NDST4: variants seen among roughly 807,000 people sequenced by gnomAD.
The protein encoded by NDST4 is N-deacetylase and N-sulfotransferase 4.
A neutral mutation model predicts 100.8 loss-of-function variants in NDST4; 63 were observed. The ratio of observed to expected loss-of-function variants is 0.62; its 90% CI spans 0.51 to 0.77. The LOEUF (loss-of-function observed/expected upper bound fraction) is 0.77, where lower values mean the gene tolerates loss of function less well. Ranked by LOEUF, NDST4 falls within the 30% of genes least tolerant of loss-of-function variation. The pLI is 0.00. For synonymous variants in NDST4, 377 were observed against 361.8 expected (o/e 1.04, Z -0.48); for missense variants, 943 against 1,018.4 (o/e 0.93, Z 1.01).
Position 114,848,255 on chromosome 4 carries a change from G to T in NDST4, c.1900C>A (p.Gln634Lys). 1 of 1,610,556 alleles carries T rather than the reference G, an allele frequency of 6.2e-7. No individual in the cohort carries two copies. The highest frequency in any genetic ancestry group is 8.5e-7 in the Non-Finnish European group (1 of 1,178,730). Reference protein sequence around the residue: ...LPSPKTFEEVQFFNGNNYHKG... With the variant: ...LPSPKTFEEVKFFNGNNYHKG... ...TGATAGTTGTTGCCATTAAAGAACT[G>T]AACTTCCTCAAATGTCTTTGGACTA... Residue 634 changes from glutamine (Q) to lysine (K), a missense_variant, in exon 9 of 14, where the codon CAG (glutamine) becomes AAG (lysine). Around this residue, in one of 2 missense-constraint regions of NDST4, gnomAD observed 526 missense variants for 634.1 expected, o/e 0.83. Transcript: ENST00000264363.
chr4:115,020,453 T>G (rs1727784952), intron 2 of NDST4, among the ~76,000 whole-genome samples: 1 of 152,128 alleles, frequency 6.6e-6, no homozygotes, highest in Admixed American at 6.6e-5. Flanking sequence ...CATGGCTACT[T>G]TAAATCACAC....
chr4:115,018,802 A>C (rs2126263769), intron 2 of NDST4, among the ~76,000 whole-genome samples: 1 of 152,132 alleles, frequency 6.6e-6, no homozygotes, highest in East Asian at 1.9e-4. Context: ...CTTGGTAAAA[A>C]TATATTAATA....
chr4:114,927,755 A>G (rs1725414758), intron 6 of NDST4, among the ~76,000 whole-genome samples: 1 of 152,154 alleles, frequency 6.6e-6, no homozygotes, highest in African/African-American at 2.4e-5. Context: ...GAGAGATGTC[A>G]TACATTGTCT....
chr4:114,995,429 T>C (rs962082243), intron 2 of NDST4, among the ~76,000 whole-genome samples: 2 of 152,066 alleles, frequency 1.3e-5, no homozygotes, highest in African/African-American at 4.8e-5. Flanking sequence ...CAAAAGTATT[T>C]TGACATCTCT....
chr4:115,058,502 T>G (rs1055922613), intron 2 of NDST4, among the ~76,000 whole-genome samples: 3 of 152,192 alleles, frequency 2.0e-5, no homozygotes, highest in African/African-American at 7.2e-5. Context: ...TTCCATGTGC[T>G]GTTTTCCAAT....
At chr4:115,023,439 C>A (rs1311887702) in intron 2 of NDST4, among the ~76,000 whole-genome samples, 1 of 145,344 alleles carries the variant, frequency 6.9e-6, no homozygotes, top group Non-Finnish European at 1.5e-5. Flanking sequence ...GAGCCGAGAT[C>A]GTGCCATTGC....
chr4:114,932,550 T>G (rs995099890), intron 6 of NDST4, among the ~76,000 whole-genome samples: 1 of 151,896 alleles, frequency 6.6e-6, no homozygotes, highest in Non-Finnish European at 1.5e-5. Flanking sequence ...AAGAAAAAAG[T>G]TAAATTGTTT....
chr4:114,909,021 C>T (rs997235627), intron 6 of NDST4, among the ~76,000 whole-genome samples: 1 of 152,020 alleles, frequency 6.6e-6, no homozygotes, highest in African/African-American at 2.4e-5. Context: ...TAGAACAAAT[C>T]TTTTTCTACT....
intron 9 of NDST4, among the ~76,000 whole-genome samples, chr4:114,846,662 G>A (rs570355296): frequency 6.6e-6 from 1 of 152,258 alleles, no homozygotes; most frequent in Admixed American, 6.5e-5. Flanking sequence ...GAATCAATAT[G>A]TTCTGAGGTT....
rs1378271336 is a variant in NDST4, at chr4:114,848,224, C to A, written c.1931G>T (p.Gly644Val). 2 of 1,604,902 alleles carry A rather than the reference C, an allele frequency of 1.2e-6. No individual in the cohort carries two copies. The highest frequency in any genetic ancestry group is 1.3e-5 in the African/African-American group (1 of 74,452). Residue 644 changes from glycine to valine, a missense_variant, in exon 9 of 14, where the codon GGA (glycine) becomes GTA (valine). Gly to Val is a moderately radical substitution (Grantham distance 109). Coordinates refer to ENST00000264363, the MANE Select transcript of NDST4 (RefSeq NM_022569.3). ...TTGTTATTTTTCTTACCAGTCTATTCCTTTGTGATAGTTGTTGCCATTAAA... is the reference window on the plus strand; with the variant it reads ...TTGTTATTTTTCTTACCAGTCTATTACTTTGTGATAGTTGTTGCCATTAAA... ...QFFNGNNYHK[G>V]IDWYMDFFPT...
intron 10 of NDST4, 108 bp downstream of exon 10, chr4:114,845,715 T>C (rs1341609340): frequency 4.0e-6 from 4 of 997,622 alleles, no homozygotes; most frequent in Non-Finnish European, 5.7e-6. Context: ...GGTTTAGATA[T>C]TCTTACATTT....
At chr4:114,997,441 C>T (rs763668906) in intron 2 of NDST4, among the ~76,000 whole-genome samples, 2 of 152,000 alleles carry the variant, frequency 1.3e-5, no homozygotes, top group African/African-American at 2.4e-5. Context: ...ATAAACCCAG[C>T]TCTAAGGAGT....
intron 6 of NDST4, among the ~76,000 whole-genome samples, chr4:114,911,377 C>A (rs1215572039): frequency 6.6e-6 from 1 of 152,172 alleles, no homozygotes; most frequent in Non-Finnish European, 1.5e-5. Context: ...TAATGAATGC[C>A]TCATTACTTA....
intron 2 of NDST4, among the ~76,000 whole-genome samples, chr4:114,980,184 C>A (rs1002131293): frequency 6.6e-6 from 1 of 152,058 alleles, no homozygotes; most frequent in Admixed American, 6.6e-5. Context: ...TTAACTTATT[C>A]TTTTAAAACC....
intron 6 of NDST4, among the ~76,000 whole-genome samples, chr4:114,905,483 T>C (rs1313991608): frequency 6.6e-6 from 1 of 151,950 alleles, no homozygotes; most frequent in East Asian, 1.9e-4. Flanking sequence ...TAAAAAAATT[T>C]AGTTATAAAA....
intron 2 of NDST4, among the ~76,000 whole-genome samples, chr4:115,043,423 C>T (rs1728395926): frequency 6.6e-6 from 1 of 151,972 alleles, no homozygotes; most frequent in Admixed American, 6.6e-5. Context: ...GGCAATTGTG[C>T]ATTAATATTT....
chr4:115,094,137 T>G (rs1362646333), intron 1 of NDST4, among the ~76,000 whole-genome samples: 1 of 151,390 alleles, frequency 6.6e-6, no homozygotes, highest in Non-Finnish European at 1.5e-5. Context: ...AAATTATTAA[T>G]GAAGTTATTA....
chr4:114,995,209 A>G (rs1727133186), intron 2 of NDST4, among the ~76,000 whole-genome samples: 1 of 152,028 alleles, frequency 6.6e-6, no homozygotes, highest in Non-Finnish European at 1.5e-5. Context: ...TGAAGCCAGA[A>G]CTGTCTTACT....
rs117653365 is a variant in NDST4, at chr4:114,898,882, G to A, written c.1537-27932C>T. Among the ~76,000 whole-genome samples the A allele has an allele frequency of 1.8e-3, 273 of 151,868 alleles. 4 individuals carry two copies. The East Asian group carries it at 0.04, about 22-fold the overall frequency. ...TTTGTATATTAACTTTGTACCTTGT[G>A]ACCTATATTCACTTATTATTTCCAG... On this transcript the variant is annotated intron_variant, in intron 6 of 13. Transcript: ENST00000264363.
Sources: allele counts gnomAD v4.1 joint callset (sites outside exome capture counted in the v4.1 genomes callset), GRCh38; gene constraint gnomAD v4.1.1; regional missense constraint gnomAD v4.1.1; transcripts MANE v1.5; gene names NCBI Gene and HGNC (gene_info 2026-07-23, HGNC 2026-07-21).